Variants in SYNDIG1L observed in about 807,000 individuals in gnomAD.
The protein encoded by SYNDIG1L is synapse differentiation-inducing gene protein 1-like.
SYNDIG1L carries 13 observed loss-of-function variants against 20.1 expected under a neutral mutation model. The observed-to-expected ratio is 0.65, with a 90% CI of 0.42 to 1.03. The LOEUF is 1.03. Among genes scored for constraint, SYNDIG1L ranks in the 50% least tolerant of loss-of-function variants. The pLI is 0.00. For missense variants in SYNDIG1L, 294 were observed against 305.1 expected, an observed-to-expected ratio of 0.96 and a Z score of 0.27; for synonymous variants, 128 against 129.3, an observed-to-expected ratio of 0.99 and a Z score of 0.07.
At chr14:74,466,074 G>A in the SYNDIG1L span, among the ~76,000 whole-genome samples, 1 of 151,886 alleles carries the variant, frequency 6.6e-6, no homozygotes, top group Non-Finnish European at 1.5e-5. Flanking sequence ...TCCTAACTCG[G>A]CTTAGCTCCC....
chr14:74,424,731 T>G (rs951052100), intron 1 of SYNDIG1L, among the ~76,000 whole-genome samples: 1 of 152,104 alleles, frequency 6.6e-6, no homozygotes, highest in Non-Finnish European at 1.5e-5. Flanking sequence ...ATCAGGTCAC[T>G]GACAGCAGGC....
the SYNDIG1L span, among the ~76,000 whole-genome samples, chr14:74,453,206 G>T: frequency 6.6e-6 from 1 of 151,640 alleles, no homozygotes; most frequent in Non-Finnish European, 1.5e-5. Flanking sequence ...AATTAGCCAG[G>T]CGTGGTGGCA....
upstream of SYNDIG1L, among the ~76,000 whole-genome samples, chr14:74,426,757 C>G (rs2086270234): frequency 9.4e-6 from 1 of 106,388 alleles, no homozygotes; most frequent in Non-Finnish European, 1.7e-5. Context: ...TCCAATTTTG[C>G]AGACCAGGAC....
chr14:74,475,160 A>T, the SYNDIG1L span, among the ~76,000 whole-genome samples: 1 of 151,984 alleles, frequency 6.6e-6, no homozygotes, highest in African/African-American at 2.4e-5. Context: ...GCAAATGCCT[A>T]TGATTCTAGG....
chr14:74,419,696 G>A (rs1290637888), intron 1 of SYNDIG1L, among the ~76,000 whole-genome samples: 1 of 152,158 alleles, frequency 6.6e-6, no homozygotes, highest in Non-Finnish European at 1.5e-5. Flanking sequence ...CATTGATAAG[G>A]GACCCCTATT....
the SYNDIG1L span, among the ~76,000 whole-genome samples, chr14:74,442,369 G>C: frequency 6.6e-6 from 1 of 152,116 alleles, no homozygotes; most frequent in African/African-American, 2.4e-5. Flanking sequence ...AAGTTTTCCT[G>C]GGAAGGTGAT....
the SYNDIG1L span, chr14:74,474,082 C>G: frequency 6.6e-6 from 1 of 152,202 alleles, no homozygotes; most frequent in Non-Finnish European, 1.5e-5. Context: ...CTGCACTAGC[C>G]TATGATATTA....
the SYNDIG1L span, among the ~76,000 whole-genome samples, chr14:74,466,140 A>G: frequency 6.6e-6 from 1 of 152,122 alleles, no homozygotes; most frequent in African/African-American, 2.4e-5. Flanking sequence ...GCTGCCCTCA[A>G]TTCTATCTTT....
At chr14:74,430,134 T>C (rs2086292386), upstream of SYNDIG1L, among the ~76,000 whole-genome samples, 2 of 152,154 alleles carry the variant, frequency 1.3e-5, no homozygotes, top group South Asian at 4.1e-4. Context: ...GGTGAGCTAC[T>C]GCCAATTTGA....
At chr14:74,435,221 G>T in the SYNDIG1L span, among the ~76,000 whole-genome samples, 14 of 151,882 alleles carry the variant, frequency 9.2e-5, no homozygotes, top group African/African-American at 3.4e-4. Context: ...TGTAGCCATT[G>T]CAGTCTTCCA....
chr14:74,428,988 A>G (rs2086285252), upstream of SYNDIG1L, among the ~76,000 whole-genome samples: 1 of 152,182 alleles, frequency 6.6e-6, no homozygotes, highest in African/African-American at 2.4e-5. Flanking sequence ...TACCTTGGGT[A>G]ATGCTGCTTA....
the SYNDIG1L span, among the ~76,000 whole-genome samples, chr14:74,477,088 A>ACACACACT: frequency 1.1e-4 from 8 of 74,890 alleles, 1 homozygote; most frequent in African/African-American, 5.2e-4. Context: ...ACACACACAC[A>ACACACACT]CAACCCTGTC....
At chr14:74,468,386 C>T in the SYNDIG1L span, among the ~76,000 whole-genome samples, 4 of 152,270 alleles carry the variant, frequency 2.6e-5, no homozygotes, top group East Asian at 1.9e-4. Context: ...TCTTCCTGCT[C>T]TTATGGATTT....
chr14:74,466,777 A>T, the SYNDIG1L span, among the ~76,000 whole-genome samples: 1 of 152,238 alleles, frequency 6.6e-6, no homozygotes, highest in African/African-American at 2.4e-5. Flanking sequence ...AGAGTGTGAT[A>T]ACCACTGGGT....
chr14:74,468,102 G>A, the SYNDIG1L span, among the ~76,000 whole-genome samples: 1 of 152,034 alleles, frequency 6.6e-6, no homozygotes, highest in South Asian at 2.1e-4. Flanking sequence ...TCTTTCTCTT[G>A]GCCTGACCTA....
Position 74,407,298 on chromosome 14 carries a change from C to G in SYNDIG1L, c.*237G>C. On this transcript the variant is annotated 3_prime_UTR_variant, in exon 4 of 4. Transcript: ENST00000331628. The stretch of plus-strand genomic sequence containing the variant: ...TGGTGGGCAGCCCTGCCTTCTGTTT[C>G]CCGTCTGTAGCCTGGGTTAGAGAGT... 1 of 598,570 alleles carries G rather than the reference C, an allele frequency of 1.7e-6. No homozygotes were observed. The highest frequency in any genetic ancestry group is 2.0e-5 in the South Asian group (1 of 50,136). The allele number at this position is 598,570 out of a possible 1,614,324, so 37.1% of individuals were successfully genotyped here.
chr14:74,419,779 CT>C (rs752537817), intron 1 of SYNDIG1L, among the ~76,000 whole-genome samples: 78 of 152,186 alleles, frequency 5.1e-4, no homozygotes, highest in Middle Eastern at 3.4e-3. Flanking sequence ...TGAACTCAGT[CT>C]TGAAGGAAAA....
chr14:74,448,009 G>C, the SYNDIG1L span, among the ~76,000 whole-genome samples: 2 of 151,874 alleles, frequency 1.3e-5, no homozygotes, highest in African/African-American at 4.8e-5. Flanking sequence ...AAAACAAAGA[G>C]TTACAACTAA....
At chr14:74,420,888 G>A (rs1054629008) in intron 1 of SYNDIG1L, among the ~76,000 whole-genome samples, 26 of 152,196 alleles carry the variant, frequency 1.7e-4, no homozygotes, top group African/African-American at 5.1e-4. Context: ...CTCCCATTCA[G>A]AAGAGAGGCC....
Sources: allele counts gnomAD v4.1 joint callset (sites outside exome capture counted in the v4.1 genomes callset), GRCh38; gene constraint gnomAD v4.1.1; transcripts MANE v1.5; gene names NCBI Gene and HGNC (gene_info 2026-07-23, HGNC 2026-07-21).